The following ADGRD1 variants were observed in gnomAD, a reference collection of about 807,000 sequenced individuals.
ADGRD1 encodes G-protein coupled receptor 133.
Under a neutral mutation model 113.4 loss-of-function variants are expected in ADGRD1, and 77 were observed. The ratio of observed to expected loss-of-function variants is 0.68; its 90% CI spans 0.57 to 0.82. The LOEUF (loss-of-function observed/expected upper bound fraction) is 0.82, where lower values mean the gene tolerates loss of function less well. Among genes scored for constraint, ADGRD1 ranks in the 40% least tolerant of loss-of-function variants. ADGRD1 has a pLI of 0.00. For missense variants in ADGRD1, 1,036 were observed against 1,139.1 expected, an observed-to-expected ratio of 0.91 and a Z score of 1.30; for synonymous variants, 474 against 475.0, an observed-to-expected ratio of 1.00 and a Z score of 0.03.
At chr12:130,967,105 C>T (rs1255241656) in intron 3 of ADGRD1, 1 of 442,750 alleles carries the variant, frequency 2.3e-6, no homozygotes, top group South Asian at 1.6e-5. Context: ...GCGTCATCTG[C>T]ACACTGACCA....
At chr12:131,130,719 C>A (rs146094572) in intron 20 of ADGRD1, among the ~76,000 whole-genome samples, 8 of 151,100 alleles carry the variant, frequency 5.3e-5, no homozygotes, top group African/African-American at 2.0e-4. Flanking sequence ...TGGCCCATCC[C>A]GTGCGGGGGA....
chr12:131,005,709 A>G (rs1375186209), intron 11 of ADGRD1, among the ~76,000 whole-genome samples: 1 of 152,012 alleles, frequency 6.6e-6, no homozygotes, highest in Non-Finnish European at 1.5e-5. Context: ...GCCCTGGGTG[A>G]GCCTGGCCCT....
chr12:131,018,815 C>T (rs1244759452), intron 13 of ADGRD1, among the ~76,000 whole-genome samples: 2 of 152,226 alleles, frequency 1.3e-5, no homozygotes, highest in Admixed American at 1.3e-4. Context: ...TTCCACCACC[C>T]TTTCTCAGTA....
At chr12:131,065,028 CCTCT>C (rs1202503608) in intron 13 of ADGRD1, among the ~76,000 whole-genome samples, 2 of 152,204 alleles carry the variant, frequency 1.3e-5, no homozygotes, top group Non-Finnish European at 2.9e-5. Context: ...TTCTCCCTCT[CCTCT>C]CTCTTTGTAT....
chr12:131,079,551 A>G (rs921498554), intron 14 of ADGRD1, among the ~76,000 whole-genome samples: 1 of 152,190 alleles, frequency 6.6e-6, no homozygotes, highest in African/African-American at 2.4e-5. Flanking sequence ...TCTGTATAGA[A>G]TTGATATTAT....
intron 12 of ADGRD1, 60 bp from the exon 13 acceptor site, chr12:131,014,139 C>A: frequency 6.4e-7 from 1 of 1,554,794 alleles, no homozygotes; most frequent in Non-Finnish European, 8.8e-7. Flanking sequence ...AGCCTAGGTT[C>A]TAGCTGTGTG....
chr12:131,016,160 C>T (rs1239357499), intron 13 of ADGRD1, among the ~76,000 whole-genome samples: 1 of 152,246 alleles, frequency 6.6e-6, no homozygotes, highest in Non-Finnish European at 1.5e-5. Context: ...AGGGAACCTC[C>T]CTCCACGCGG....
At chr12:131,107,031 T>G (rs915930330) in intron 17 of ADGRD1, among the ~76,000 whole-genome samples, 6 of 152,190 alleles carry the variant, frequency 3.9e-5, no homozygotes, top group Non-Finnish European at 5.9e-5. Flanking sequence ...CACTGTGTGC[T>G]GGCAGCAGGA....
At chr12:131,139,084 G>A in intron 24 of ADGRD1, 84 bp from the exon 25 acceptor site, 1 of 1,023,958 alleles carries the variant, frequency 9.8e-7, no homozygotes. Flanking sequence ...GCAGCTATGG[G>A]CCCAATGCTC....
In ADGRD1 at chr12:131,124,008, C is replaced by T. The variant is rs117207729; in HGVS notation, c.2175+3095C>T. Reference sequence around the variant, plus strand: ...AGCCGAATAGTTGCAACAAAGACTGCGTGGCCCGCAAAGCCAAAAATACTA... The same window carrying T: ...AGCCGAATAGTTGCAACAAAGACTGTGTGGCCCGCAAAGCCAAAAATACTA... On this transcript the variant is annotated intron_variant, in intron 20 of 24. Coordinates refer to ENST00000261654, the MANE Select transcript of ADGRD1 (RefSeq NM_198827.5). 6.3e-3 allele frequency among the ~76,000 whole-genome samples: 965 copies of T among 152,304 alleles called. 4 individuals carry two copies. The highest frequency in any genetic ancestry group is 0.011 in the Non-Finnish European group (781 of 68,026).
At chr12:131,028,240 A>G (rs1593069468) in intron 13 of ADGRD1, among the ~76,000 whole-genome samples, 1 of 152,148 alleles carries the variant, frequency 6.6e-6, no homozygotes, top group East Asian at 1.9e-4. Flanking sequence ...ATTGGATATC[A>G]ATATCCTTTT....
At chr12:131,051,877 A>T (rs1048578869) in intron 13 of ADGRD1, among the ~76,000 whole-genome samples, 4 of 152,050 alleles carry the variant, frequency 2.6e-5, no homozygotes, top group African/African-American at 9.7e-5. Context: ...AGAGTGGTGG[A>T]GAATTGAATT....
At chr12:131,093,469 G>C (rs1270062576) in intron 15 of ADGRD1, among the ~76,000 whole-genome samples, 1 of 152,208 alleles carries the variant, frequency 6.6e-6, no homozygotes, top group African/African-American at 2.4e-5. Flanking sequence ...ACCCAGCCAG[G>C]TGCAGCCTTG....
chr12:131,054,753 C>T (rs1184325680), intron 13 of ADGRD1, among the ~76,000 whole-genome samples: 10 of 152,318 alleles, frequency 6.6e-5, no homozygotes, highest in South Asian at 2.1e-4. Flanking sequence ...GGGTCTCTGC[C>T]GGGTCTTGCC....
chr12:130,966,642 G>A lies in ADGRD1; in HGVS notation c.187+96G>A. On this transcript the variant is annotated intron_variant, in intron 3 of 24. Coordinates refer to ENST00000261654, the MANE Select transcript of ADGRD1 (RefSeq NM_198827.5). This position sits in a 1 kb window ranked among gnomAD's most constrained non-coding sequence, Gnocchi z 4.6. ...AGAGTGGCTGGCCTTGAAATCCCAG[G>A]GCCATTGGGGGACGTGGGTGCTGAG... 1 of 784,874 alleles carries A rather than the reference G, an allele frequency of 1.3e-6. No individual in the cohort carries two copies. The highest frequency in any genetic ancestry group is 2.3e-6 in the Non-Finnish European group (1 of 435,274). 48.6% of individuals were successfully genotyped at this position (784,874 alleles called of 1,614,324 possible).
chr12:131,070,854 T>TC (rs770163193), intron 13 of ADGRD1: 1 of 519,036 alleles, frequency 1.9e-6, no homozygotes, highest in Non-Finnish European at 3.8e-6. Flanking sequence ...GCCCATGTGG[T>TC]CATGGAGTGT....
At position 131,108,719 on chromosome 12, in the gene ADGRD1, C is replaced by G; in HGVS notation, c.1888-5C>G. 1.9e-6 allele frequency: 3 copies of G among 1,614,110 alleles called. No homozygotes were observed. Among genetic ancestry groups the G allele is most frequent in the Non-Finnish European group, 2.5e-6 (3 of 1,180,000 alleles). ...TCTCACTTCCCATCTCTGGTTAAAT[C>G]CTAGACCCCCTGCCAAGTGATGGCC... On this transcript the variant is annotated splice_region_variant and splice_polypyrimidine_tract_variant and intron_variant, in intron 17 of 24. Coordinates refer to ENST00000261654, the MANE Select transcript of ADGRD1 (RefSeq NM_198827.5).
chr12:131,068,291 G>A (rs1335373129), intron 13 of ADGRD1, among the ~76,000 whole-genome samples: 5 of 152,214 alleles, frequency 3.3e-5, no homozygotes, highest in African/African-American at 7.2e-5. Context: ...TGTCTCATGG[G>A]TGGCGCTGGA....
chr12:131,071,654 T>TCC (rs1885179089), intron 13 of ADGRD1, among the ~76,000 whole-genome samples: 5 of 152,214 alleles, frequency 3.3e-5, no homozygotes, highest in African/African-American at 1.2e-4. Flanking sequence ...AGAGGGCAAC[T>TCC]TGTGCACGCA....
Sources: allele counts gnomAD v4.1 joint callset (sites outside exome capture counted in the v4.1 genomes callset), GRCh38; gene constraint gnomAD v4.1.1; non-coding constraint Gnocchi (gnomAD v3.1); transcripts MANE v1.5; gene names NCBI Gene and HGNC (gene_info 2026-07-23, HGNC 2026-07-21).